CYP7B1: variants seen among roughly 807,000 people sequenced by gnomAD.
CYP7B1 encodes the protein cytochrome P450 7B1.
CYP7B1 carries 29 observed loss-of-function variants against 42.7 expected under a neutral mutation model. The ratio of observed to expected loss-of-function variants is 0.68; its 90% CI spans 0.51 to 0.93. CYP7B1 has a LOEUF of 0.93. Among genes scored for constraint, CYP7B1 ranks in the 40% least tolerant of loss-of-function variants. The pLI, the probability that CYP7B1 is intolerant of heterozygous loss-of-function variation, is 0.00. For synonymous variants in CYP7B1, 235 were observed against 218.2 expected, an observed-to-expected ratio of 1.08 and a Z score of -0.68; for missense variants, 655 against 600.5, an observed-to-expected ratio of 1.09 and a Z score of -0.95.
chr8:64,628,843 TG>T (rs1805646173), intron 1 of CYP7B1, among the ~76,000 whole-genome samples: 1 of 152,168 alleles, frequency 6.6e-6, no homozygotes, highest in African/African-American at 2.4e-5. Context: ...CCATAATATT[TG>T]AAGTTCATCT....
chr8:64,615,960 G>C lies in CYP7B1; in HGVS notation c.581C>G (p.Thr194Arg), dbSNP rs1316960085. The change falls in exon 3 of 6, where the codon ACA becomes AGA. Residue 194 changes from threonine (T) to arginine (R), a missense_variant. Physicochemically the swap from Thr to Arg is moderately conservative, Grantham distance 71. Coordinates refer to ENST00000310193, the MANE Select transcript of CYP7B1 (RefSeq NM_004820.5). ...AACAATAACTTTTCCATATATAGTTGTAAATGTGATCTCAAATATTATTGA... is the reference window on the plus strand; with the variant it reads ...AACAATAACTTTTCCATATATAGTTCTAAATGTGATCTCAAATATTATTGA... ...CSSIIFEITF[T>R]TIYGKVIVCD... The C allele has an allele frequency of 2.5e-6, 4 of 1,613,524 alleles. No individual in the cohort carries two copies. Among genetic ancestry groups the C allele is most frequent in the Non-Finnish European group, 3.4e-6 (4 of 1,179,810 alleles).
At position 64,798,491 on chromosome 8, in the gene CYP7B1, G is replaced by C; in HGVS notation, c.97C>G (p.Leu33Val). 1.3e-6 allele frequency: 2 copies of C among 1,513,550 alleles called. No homozygotes were observed. The highest frequency in any genetic ancestry group is 2.4e-5 in the South Asian group (2 of 81,834). 93.8% of individuals were successfully genotyped at this position (1,513,550 alleles called of 1,614,324 possible). A position where few individuals can be genotyped will look rare whatever the true frequency, so the allele number is the denominator to read the frequency against. The change falls in exon 1 of 6, where the codon CTC becomes GTC. Residue 33 changes from leucine (L) to valine (V), a missense_variant. By Grantham distance (32) the Leu-to-Val change is conservative. Coordinates refer to ENST00000310193, the MANE Select transcript of CYP7B1 (RefSeq NM_004820.5). ...ALAAALLLLALCLLVRRTRRP... is the reference protein window; with the variant it reads ...ALAAALLLLAVCLLVRRTRRP... ...CTGGTGCGCCGGACAAGCAAGCAGA[G>C]GGCCAGGAGCAGCAGGGCCGCGGCG...
intron 4 of CYP7B1, among the ~76,000 whole-genome samples, chr8:64,606,689 CG>C (rs528946346): frequency 9.9e-5 from 15 of 152,252 alleles, no homozygotes; most frequent in Admixed American, 2.0e-4. Context: ...TGTGGCTTAG[CG>C]GTCAGATAGT....
intron 1 of CYP7B1, among the ~76,000 whole-genome samples, chr8:64,779,010 C>T (rs1230958528): frequency 6.6e-6 from 1 of 152,060 alleles, no homozygotes; most frequent in Non-Finnish European, 1.5e-5. Flanking sequence ...TGTTCTTAAG[C>T]TTAATATATT....
intron 1 of CYP7B1, among the ~76,000 whole-genome samples, chr8:64,684,872 A>G (rs947358031): frequency 6.6e-6 from 1 of 152,232 alleles, no homozygotes; most frequent in African/African-American, 2.4e-5. Flanking sequence ...ATGCAAAACC[A>G]CAATGAGATA....
chr8:64,604,627 G>T, intron 5 of CYP7B1, 55 bp downstream of exon 5: 1 of 1,602,770 alleles, frequency 6.2e-7, no homozygotes, highest in African/African-American at 1.3e-5. Flanking sequence ...GGATGGAAGA[G>T]GAATGTGCCC....
intron 1 of CYP7B1, among the ~76,000 whole-genome samples, chr8:64,635,683 T>A (rs1421251618): frequency 6.6e-6 from 1 of 152,218 alleles, no homozygotes; most frequent in Admixed American, 6.5e-5. Context: ...AGTCACATAT[T>A]TCTCCATGGA....
At chr8:64,631,065 G>A (rs1158470706) in intron 1 of CYP7B1, among the ~76,000 whole-genome samples, 1 of 152,132 alleles carries the variant, frequency 6.6e-6, no homozygotes, top group East Asian at 1.9e-4. Flanking sequence ...GAGGGAGCAT[G>A]TCCTAACTCA....
intron 1 of CYP7B1, among the ~76,000 whole-genome samples, chr8:64,692,989 A>C (rs1806770562): frequency 6.6e-6 from 1 of 152,192 alleles, no homozygotes; most frequent in Non-Finnish European, 1.5e-5. Flanking sequence ...TGGACTGAAG[A>C]GGCTGGTCAG....
rs1002564988 is a variant in CYP7B1 at position 64,646,072 on chromosome 8, G to A, written c.123-21533C>T. Among the ~76,000 whole-genome samples, 249 of 152,186 alleles carry A rather than the reference G, an allele frequency of 1.6e-3. 1 individual carries two copies. Among genetic ancestry groups the A allele is most frequent in the African/African-American group, 5.6e-3 (231 of 41,520 alleles). On this transcript the variant is annotated intron_variant, in intron 1 of 5. Transcript: ENST00000310193. ...TTCAAGATGGATTAAAGACTTAAAC[G>A]TTAGACCTAAAACCACAAAAACCCT...
chr8:64,763,267 C>T (rs1297593808), intron 1 of CYP7B1, among the ~76,000 whole-genome samples: 2 of 152,210 alleles, frequency 1.3e-5, no homozygotes, highest in Non-Finnish European at 2.9e-5. Context: ...ACACTAGTTG[C>T]TGGGTTCCAC....
At chr8:64,670,977 C>T (rs775730603) in intron 1 of CYP7B1, among the ~76,000 whole-genome samples, 1 of 152,036 alleles carries the variant, frequency 6.6e-6, no homozygotes, top group South Asian at 2.1e-4. Flanking sequence ...TGTCTTCCCA[C>T]CTGGGTCATA....
At chr8:64,604,312 T>C (rs1805243633) in intron 5 of CYP7B1, among the ~76,000 whole-genome samples, 2 of 152,210 alleles carry the variant, frequency 1.3e-5, no homozygotes, top group Admixed American at 1.3e-4. Flanking sequence ...AAAATAGTTA[T>C]CATCATTTAT....
chr8:64,682,733 CTT>C, intron 1 of CYP7B1, among the ~76,000 whole-genome samples: 1 of 152,174 alleles, frequency 6.6e-6, no homozygotes, highest in Non-Finnish European at 1.5e-5. Context: ...TGCAACAGCT[CTT>C]GATACCACGG....
At chr8:64,744,185 G>A (rs1807609688) in intron 1 of CYP7B1, among the ~76,000 whole-genome samples, 1 of 152,066 alleles carries the variant, frequency 6.6e-6, no homozygotes, top group Non-Finnish European at 1.5e-5. Flanking sequence ...AGTGTTAGAA[G>A]AATGAAATAT....
intron 4 of CYP7B1, among the ~76,000 whole-genome samples, chr8:64,607,973 AGTT>A (rs1452922474): frequency 6.6e-6 from 1 of 152,216 alleles, no homozygotes; most frequent in East Asian, 1.9e-4. Context: ...GCTGCCTGTG[AGTT>A]GTTAAGAACT....
chr8:64,635,620 T>C (rs1805758269), intron 1 of CYP7B1, among the ~76,000 whole-genome samples: 2 of 152,246 alleles, frequency 1.3e-5, no homozygotes, highest in South Asian at 4.1e-4. Context: ...GTTCAAGCAC[T>C]TTTAATCAAA....
chr8:64,647,702 G>A (rs1585830380), intron 1 of CYP7B1, among the ~76,000 whole-genome samples: 1 of 152,200 alleles, frequency 6.6e-6, no homozygotes, highest in Middle Eastern at 3.4e-3. Flanking sequence ...GCAGAGAAAA[G>A]AGGAAAATTC....
rs79219323 is a variant in CYP7B1, at chr8:64,604,999, G to A, written c.1058-142C>T. On this transcript the variant is annotated intron_variant, in intron 4 of 5. Coordinates refer to ENST00000310193, the MANE Select transcript of CYP7B1 (RefSeq NM_004820.5). Reference sequence around the variant, plus strand: ...ATCACATACATTGAGCACCAAGAGGGAGCCAAGGGTGGCTGTGCACAGGAT... The same window carrying A: ...ATCACATACATTGAGCACCAAGAGGAAGCCAAGGGTGGCTGTGCACAGGAT... The A allele has an allele frequency of 5.4e-3, 5,572 of 1,023,786 alleles. 208 individuals are homozygous for A. The African/African-American group carries it at 0.078, about 14-fold the overall frequency. 63.4% of individuals were successfully genotyped at this position (1,023,786 alleles called of 1,614,324 possible).
Sources: gnomAD v4.1 joint callset for allele counts (sites outside exome capture counted in the v4.1 genomes callset) on GRCh38, gnomAD v4.1.1 for gene constraint, MANE v1.5 for transcripts, NCBI Gene and HGNC (gene_info 2026-07-23, HGNC 2026-07-21) for gene names.